SORCS1: variants seen among roughly 807,000 people sequenced by gnomAD.
SORCS1 encodes the protein VPS10 domain-containing receptor SorCS1.
A neutral mutation model predicts 146.1 loss-of-function variants in SORCS1; 60 were observed. The ratio of observed to expected loss-of-function variants is 0.41; its 90% CI spans 0.33 to 0.51. The LOEUF (loss-of-function observed/expected upper bound fraction) is 0.51, where lower values mean the gene tolerates loss of function less well. Ranked by LOEUF, SORCS1 falls within the 20% of genes least tolerant of loss-of-function variation. SORCS1 has a pLI of 0.21. For synonymous variants in SORCS1, 637 were observed against 584.0 expected (o/e 1.09, Z -1.31); for missense variants, 1,352 against 1,487.6 (o/e 0.91, Z 1.50).
chr10:106,765,039 A>G (rs1427106459), intron 4 of SORCS1, among the ~76,000 whole-genome samples: 2 of 151,830 alleles, frequency 1.3e-5, no homozygotes, highest in African/African-American at 4.8e-5. Flanking sequence ...AAAAAAAAAA[A>G]AAAAAGCCAT....
At position 106,989,280 on chromosome 10, in the gene SORCS1, A is replaced by G. The variant is rs977266802; in HGVS notation, c.559-32700T>C. 6.2e-4 allele frequency among the ~76,000 whole-genome samples: 84 copies of G among 135,056 alleles called. 8 individuals carry two copies. Among genetic ancestry groups the G allele is most frequent in the Non-Finnish European group, 7.8e-4 (46 of 59,190 alleles). The allele number at this position is 135,056 out of a possible 152,430, so 88.6% of individuals were successfully genotyped here. ...GAAAGGCTCCACCTCAGAAAAAAAA[A>G]AAAAAAAAAAAAAAAAAGAATACTC... On this transcript the variant is annotated intron_variant, in intron 1 of 25. Coordinates refer to ENST00000263054, the MANE Select transcript of SORCS1 (RefSeq NM_052918.5).
At chr10:106,856,598 T>C (rs928224326) in intron 2 of SORCS1, among the ~76,000 whole-genome samples, 1 of 152,176 alleles carries the variant, frequency 6.6e-6, no homozygotes, top group African/African-American at 2.4e-5. Context: ...AATGGTTACT[T>C]TTGCCCTCTC....
intron 5 of SORCS1, among the ~76,000 whole-genome samples, chr10:106,746,661 A>G (rs1365335562): frequency 6.6e-6 from 1 of 152,200 alleles, no homozygotes; most frequent in African/African-American, 2.4e-5. Flanking sequence ...TGATTTATTC[A>G]TAAGTAGAAA....
chr10:106,778,431 C>T (rs111557200), intron 3 of SORCS1, among the ~76,000 whole-genome samples: 26 of 152,094 alleles, frequency 1.7e-4, no homozygotes, highest in South Asian at 1.0e-3. Context: ...ACCAAGCAGA[C>T]GGCGTTCCCT....
At chr10:106,625,802 T>C (rs566815387) in intron 19 of SORCS1, among the ~76,000 whole-genome samples, 131 of 152,260 alleles carry the variant, frequency 8.6e-4, no homozygotes, top group African/African-American at 3.0e-3. Flanking sequence ...GTTTGCAGTC[T>C]TCAGTGATTT....
chr10:106,577,806 T>A (rs1043404023), intron 25 of SORCS1: 54 of 472,168 alleles, frequency 1.1e-4, no homozygotes, highest in Non-Finnish European at 3.3e-6. Context: ...CAGAAAAGAC[T>A]TTTTTCTTTT....
At chr10:107,049,871 C>T (rs186971108) in intron 1 of SORCS1, among the ~76,000 whole-genome samples, 31 of 152,036 alleles carry the variant, frequency 2.0e-4, no homozygotes, top group East Asian at 7.7e-4. Context: ...GATATATGTA[C>T]GATGCTACCA....
chr10:106,736,424 C>T (rs1564913312), intron 5 of SORCS1, among the ~76,000 whole-genome samples: 1 of 152,080 alleles, frequency 6.6e-6, no homozygotes, highest in African/African-American at 2.4e-5. Flanking sequence ...TCTTCATGTT[C>T]CCACAGCCCC....
chr10:107,149,527 T>C (rs1184668777), intron 1 of SORCS1, among the ~76,000 whole-genome samples: 3 of 152,022 alleles, frequency 2.0e-5, no homozygotes, highest in African/African-American at 7.2e-5. Context: ...GAATAACCAA[T>C]AAAAAAATCC....
intron 5 of SORCS1, among the ~76,000 whole-genome samples, chr10:106,738,632 TCTC>T (rs1405002346): frequency 3.3e-5 from 5 of 152,170 alleles, no homozygotes; most frequent in Admixed American, 6.5e-5. Flanking sequence ...CCTCTCCACT[TCTC>T]CTCTCTTTAT....
chr10:106,743,271 G>T (rs1227909621), intron 5 of SORCS1, among the ~76,000 whole-genome samples: 6 of 152,186 alleles, frequency 3.9e-5, no homozygotes, highest in Middle Eastern at 6.8e-3. Flanking sequence ...GATAGAAAGG[G>T]AGGAAAGAGA....
intron 19 of SORCS1, among the ~76,000 whole-genome samples, chr10:106,627,371 A>C (rs970823882): frequency 6.6e-6 from 1 of 152,224 alleles, no homozygotes. Context: ...TATAATTTGT[A>C]AGGAAGCTAG....
intron 9 of SORCS1, among the ~76,000 whole-genome samples, chr10:106,691,766 C>T (rs571120896): frequency 1.3e-5 from 2 of 152,304 alleles, no homozygotes; most frequent in Non-Finnish European, 2.9e-5. Flanking sequence ...ATTATCCCAA[C>T]ACTTCTCTGT....
chr10:107,021,620 TCTTGATCTAAAAATTCACTAAGAG>T (rs1187051151), intron 1 of SORCS1, among the ~76,000 whole-genome samples: 2 of 151,760 alleles, frequency 1.3e-5, no homozygotes, highest in Non-Finnish European at 2.9e-5. Flanking sequence ...TTTGTGACCT[TCTTGATCTAAAAATTCACTAAGAG>T]CAAGTATGTT....
At chr10:106,852,023 G>T (rs1949598407) in intron 2 of SORCS1, among the ~76,000 whole-genome samples, 1 of 151,876 alleles carries the variant, frequency 6.6e-6, no homozygotes, top group African/African-American at 2.4e-5. Flanking sequence ...TATTACTTTT[G>T]TATATTAACC....
At chr10:106,944,831 G>A (rs1954228826) in intron 2 of SORCS1, among the ~76,000 whole-genome samples, 1 of 60,630 alleles carries the variant, frequency 1.6e-5, no homozygotes, top group Non-Finnish European at 3.0e-5. Context: ...GTGAATGAAA[G>A]AAACAAAGAG....
chr10:106,628,672 C>T (rs1019347459), intron 19 of SORCS1, among the ~76,000 whole-genome samples: 4 of 152,300 alleles, frequency 2.6e-5, no homozygotes, highest in Admixed American at 6.5e-5. Context: ...CTCTACACCA[C>T]CTTCTCTCTA....
intron 23 of SORCS1, among the ~76,000 whole-genome samples, chr10:106,603,783 A>T (rs1242680057): frequency 6.6e-6 from 1 of 152,196 alleles, no homozygotes; most frequent in Non-Finnish European, 1.5e-5. Context: ...TGTATAATTT[A>T]TGATACCAGA....
rs11193165 is a variant in SORCS1, at chr10:107,013,125, T to C, written c.559-56545A>G. 7.6e-3 allele frequency among the ~76,000 whole-genome samples: 1,164 copies of C among 152,254 alleles called. 9 individuals are homozygous for C. The highest frequency in any genetic ancestry group is 9.9e-3 in the South Asian group (48 of 4,828). On this transcript the variant is annotated intron_variant, in intron 1 of 25. Transcript: ENST00000263054. ...GTACACAGTTGGTAGCTAATTAATG[T>C]TGAATAAATAAACAAATAGAAAGTC...
Sources: allele counts gnomAD v4.1 joint callset (sites outside exome capture counted in the v4.1 genomes callset), GRCh38; gene constraint gnomAD v4.1.1; transcripts MANE v1.5; gene names NCBI Gene and HGNC (gene_info 2026-07-23, HGNC 2026-07-21).